Variants in SDC3 observed in about 807,000 individuals in gnomAD.
SDC3 encodes syndecan 3.
Under a neutral mutation model 24.4 loss-of-function variants are expected in SDC3, and 13 were observed. That is an observed-to-expected ratio of 0.53 (90% CI 0.35 to 0.85). The LOEUF (loss-of-function observed/expected upper bound fraction) is 0.85. SDC3 is among the 40% of genes least tolerant of loss of function. The pLI, the probability that SDC3 is intolerant of heterozygous loss-of-function variation, is 0.01. For missense variants in SDC3, 571 were observed against 584.5 expected (o/e 0.98, Z 0.24); for synonymous variants, 295 against 260.9 (o/e 1.13, Z -1.26).
chr1:30,875,868 C>T (rs994087690), intron 3 of SDC3, among the ~76,000 whole-genome samples: 1 of 152,170 alleles, frequency 6.6e-6, no homozygotes, highest in East Asian at 1.9e-4. Flanking sequence ...AATGAGATGA[C>T]CACAGTGCTG....
rs1003621069 is a variant in SDC3, at chr1:30,888,013, TTATG to T, written c.139-9277_139-9274del. ...CCCAGCATATTTTGTCACAAAATGTTTATGTAAATTATATGCAAATATGCAGATC... is the reference window on the plus strand; with the variant it reads ...CCCAGCATATTTTGTCACAAAATGTTTAAATTATATGCAAATATGCAGATC... On this transcript the variant is annotated intron_variant, in intron 1 of 4. Coordinates refer to ENST00000339394, the MANE Select transcript of SDC3 (RefSeq NM_014654.4). 3.2e-4 allele frequency among the ~76,000 whole-genome samples: 48 copies of T among 152,232 alleles called. 1 individual carries two copies. Among genetic ancestry groups the T allele is most frequent in the Non-Finnish European group, 2.9e-5 (2 of 68,036 alleles).
intron 1 of SDC3, among the ~76,000 whole-genome samples, chr1:30,901,221 A>G (rs1286036000): frequency 6.6e-6 from 1 of 152,148 alleles, no homozygotes; most frequent in East Asian, 1.9e-4. Context: ...AGCCAGCCCC[A>G]ATCCATTGGC....
At chr1:30,893,926 G>A (rs771844590) in intron 1 of SDC3, among the ~76,000 whole-genome samples, 27 of 152,188 alleles carry the variant, frequency 1.8e-4, no homozygotes, top group African/African-American at 6.3e-4. Flanking sequence ...GCGGGGGAGT[G>A]AGAAGTGTCC....
Position 30,874,531 on chromosome 1 carries a change from T to A in SDC3, c.928A>T (p.Ser310Cys), listed in dbSNP as rs1639605165. The change falls in exon 4 of 5, where the codon AGT becomes TGT. Residue 310 changes from serine (S) to cysteine (C), a missense_variant. Ser to Cys is a moderately radical substitution (Grantham distance 112, BLOSUM62 -1). This residue lies in a region of SDC3 where 497 missense variants were observed against 471.6 expected (regional missense o/e 1.05). Transcript: ENST00000339394. ...TCGAAGTCTCCACTGGGCCCCCCAC[T>A]CACCGGAACCTCTGGCTCATCCCGG... ...TIRDEPEVPVSGGPSGDFELP... is the reference protein window; with the variant it reads ...TIRDEPEVPVCGGPSGDFELP... The A allele has an allele frequency of 2.5e-6, 4 of 1,614,118 alleles. No homozygotes were observed. The highest frequency in any genetic ancestry group is 3.4e-6 in the Non-Finnish European group (4 of 1,180,014).
chr1:30,874,207 T>C, intron 4 of SDC3, 90 bp downstream of exon 4: 1 of 1,092,466 alleles, frequency 9.2e-7, no homozygotes, highest in Non-Finnish European at 1.3e-6. Flanking sequence ...TGATCTCCTT[T>C]CTGGGTTCCT....
chr1:30,884,015 C>T (rs528277046), intron 1 of SDC3, among the ~76,000 whole-genome samples: 3 of 152,268 alleles, frequency 2.0e-5, no homozygotes, highest in Admixed American at 6.5e-5. Flanking sequence ...TGGGGCCAAG[C>T]TCCGGGCAGC....
intron 1 of SDC3, among the ~76,000 whole-genome samples, chr1:30,902,731 C>T (rs1638440680): frequency 6.6e-6 from 1 of 152,214 alleles, no homozygotes; most frequent in African/African-American, 2.4e-5. Flanking sequence ...CGGTCCTGCC[C>T]AGATGTGGTG....
In SDC3 at chr1:30,878,690, G is replaced by A. The variant is rs559377576; in HGVS notation, c.189C>T (p.Gly63=). ...CGGGAAAGGAGTCATCATCCCCAGAGCCCTCCAGGTCCACGGGTCTCTCGA... is the reference window on the plus strand; with the variant it reads ...CGGGAAAGGAGTCATCATCCCCAGAACCCTCCAGGTCCACGGGTCTCTCGA... ...ENFERPVDLE[G]SGDDDSFPDD... is the part of the protein sequence containing the mutation. The change falls in exon 2 of 5, where the codon GGC becomes GGT. Residue 63 remains glycine, a synonymous_variant. Coordinates refer to ENST00000339394, the MANE Select transcript of SDC3 (RefSeq NM_014654.4). 5.0e-6 allele frequency: 8 copies of A among 1,614,092 alleles called. No individual in the cohort carries two copies. The highest frequency in any genetic ancestry group is 6.8e-6 in the Non-Finnish European group (8 of 1,180,042).
At chr1:30,885,132 T>G (rs1465750138) in intron 1 of SDC3, among the ~76,000 whole-genome samples, 1 of 152,204 alleles carries the variant, frequency 6.6e-6, no homozygotes, top group African/African-American at 2.4e-5. Flanking sequence ...GATATTTAAC[T>G]CTCTCAGGCT....
chr1:30,869,520 T>TA lies in SDC3; in HGVS notation c.*3690dup, dbSNP rs10711024. 3 of 348,080 alleles carry TA rather than the reference T, an allele frequency of 8.6e-6. No individual in the cohort carries two copies. Among genetic ancestry groups the TA allele is most frequent in the Admixed American group, 5.4e-5 (1 of 18,512 alleles). The allele number at this position is 348,080 out of a possible 1,614,324, so 21.6% of individuals were successfully genotyped here. A position where few individuals can be genotyped will look rare whatever the true frequency, so the allele number is the denominator to read the frequency against. ...TAAATGGGCACAGCACAGGAAGTGT[T>TA]AAAAAAACAAACAAACAAAAAAAAA... On this transcript the variant is annotated 3_prime_UTR_variant, in exon 5 of 5. Coordinates refer to ENST00000339394, the MANE Select transcript of SDC3 (RefSeq NM_014654.4).
chr1:30,878,901 A>C (rs1639694568), intron 1 of SDC3, 161 bp from the exon 2 acceptor site: 1 of 611,130 alleles, frequency 1.6e-6, no homozygotes, highest in African/African-American at 1.8e-5. Flanking sequence ...AATAATTCAC[A>C]GGGCAGGGGT....
In SDC3 at chr1:30,876,742, G is replaced by T. The variant is rs370645029; in HGVS notation, c.680C>A (p.Pro227His). 23 of 1,589,838 alleles carry T rather than the reference G, an allele frequency of 1.4e-5. No homozygotes were observed. In the African/African-American group the frequency reaches 2.8e-4, roughly 20 times the overall value. ...CGTGGTGGGCGGGGAGGGCGCCTCG[G>T]GGGTAGTGGCCCGTGCCGTAGCCAC... ...TTVATARATT[P>H]EAPSPPTTAA... is the part of the protein sequence containing the mutation. The change falls in exon 3 of 5, where the codon CCC (proline) becomes CAC (histidine). Residue 227 changes from proline to histidine, a missense_variant. Pro to His is a moderately conservative substitution (Grantham distance 77). Around this residue, in one of 2 missense-constraint regions of SDC3, gnomAD observed 497 missense variants for 471.6 expected, o/e 1.05. Transcript: ENST00000339394.
At chr1:30,901,163 G>A (rs1183115680) in intron 1 of SDC3, among the ~76,000 whole-genome samples, 2 of 152,188 alleles carry the variant, frequency 1.3e-5, no homozygotes, top group Non-Finnish European at 2.9e-5. Flanking sequence ...AATCCCACCA[G>A]CCCCTCAAGA....
intron 1 of SDC3, among the ~76,000 whole-genome samples, chr1:30,889,463 C>A (rs183775775): frequency 1.3e-5 from 2 of 152,250 alleles, no homozygotes; most frequent in Non-Finnish European, 2.9e-5. Context: ...TGCTGACCAC[C>A]CCCAGATCCT....
At chr1:30,899,760 C>A (rs1638373947) in intron 1 of SDC3, among the ~76,000 whole-genome samples, 1 of 152,210 alleles carries the variant, frequency 6.6e-6, no homozygotes, top group Non-Finnish European at 1.5e-5. Context: ...CAATTCCCCC[C>A]TCGAGACCTC....
intron 1 of SDC3, among the ~76,000 whole-genome samples, chr1:30,886,305 G>T (rs1639826838): frequency 6.6e-6 from 1 of 152,074 alleles, no homozygotes; most frequent in African/African-American, 2.4e-5. Flanking sequence ...CTAGGCACTA[G>T]ATATGTCCCC....
upstream of SDC3, among the ~76,000 whole-genome samples, chr1:30,909,110 C>T (rs1638600008): frequency 6.6e-6 from 1 of 152,126 alleles, no homozygotes; most frequent in Non-Finnish European, 1.5e-5. Context: ...GCGGAGGGGT[C>T]GCATGGGCGT....
chr1:30,909,608 G>A (rs1348309772), upstream of SDC3, among the ~76,000 whole-genome samples: 1 of 152,182 alleles, frequency 6.6e-6, no homozygotes, highest in African/African-American at 2.4e-5. Flanking sequence ...ACCCCATGCT[G>A]TTCTTACTTC....
chr1:30,880,394 G>C (rs79970377), intron 1 of SDC3, among the ~76,000 whole-genome samples: 1 of 149,766 alleles, frequency 6.7e-6, no homozygotes. Flanking sequence ...CTGGGGGTAC[G>C]AGAGAAGGAG....
Sources: gnomAD v4.1 joint callset for allele counts (sites outside exome capture counted in the v4.1 genomes callset) on GRCh38, gnomAD v4.1.1 for gene constraint, gnomAD v4.1.1 regional missense constraint, MANE v1.5 for transcripts, NCBI Gene and HGNC (gene_info 2026-07-23, HGNC 2026-07-21) for gene names.